The following RTKN2 variants were observed in gnomAD, a reference collection of about 807,000 sequenced individuals.
RTKN2 encodes rhotekin-2.
RTKN2 carries 69 observed loss-of-function variants against 71.5 expected under a neutral mutation model. That is an observed-to-expected ratio of 0.96 (90% CI 0.79 to 1.18). The LOEUF (loss-of-function observed/expected upper bound fraction) is 1.18. RTKN2 is among the 50% of genes most tolerant of loss of function. RTKN2 has a pLI of 0.00. For synonymous variants in RTKN2, 236 were observed against 236.5 expected (o/e 1.00, Z 0.02); for missense variants, 724 against 719.7 (o/e 1.01, Z -0.07).
intron 6 of RTKN2, among the ~76,000 whole-genome samples, chr10:62,233,524 T>G (rs749484885): frequency 3.3e-5 from 5 of 152,084 alleles, no homozygotes; most frequent in Non-Finnish European, 7.4e-5. Context: ...GAATGTAGAC[T>G]GGGACTGATT....
At position 62,193,856 on chromosome 10, in the gene RTKN2, T is replaced by G; in HGVS notation, c.*4052A>C. The G allele has an allele frequency of 2.0e-6, 2 of 978,396 alleles. No homozygotes were observed. Among genetic ancestry groups the G allele is most frequent in the Non-Finnish European group, 2.4e-6 (2 of 823,492 alleles). The allele number at this position is 978,396 out of a possible 1,614,324, so 60.6% of individuals were successfully genotyped here. On this transcript the variant is annotated 3_prime_UTR_variant, in exon 12 of 12. Coordinates refer to ENST00000373789, the MANE Select transcript of RTKN2 (RefSeq NM_145307.4). The stretch of plus-strand genomic sequence containing the variant: ...CATTTTAATAATGTTAATTATACCA[T>G]GGCTTATCAGAATGTTAGTCTTATA...
chr10:62,200,812 C>A (rs1378783676), intron 10 of RTKN2, among the ~76,000 whole-genome samples: 1 of 151,768 alleles, frequency 6.6e-6, no homozygotes, highest in Non-Finnish European at 1.5e-5. Context: ...TCATATCACC[C>A]AATAAAATTC....
intron 9 of RTKN2, among the ~76,000 whole-genome samples, chr10:62,215,779 T>C (rs909090190): frequency 6.6e-6 from 1 of 152,048 alleles, no homozygotes; most frequent in African/African-American, 2.4e-5. Flanking sequence ...AATTTTTCCA[T>C]CTGAAATTTT....
At chr10:62,245,344 T>C (rs1036117183) in intron 3 of RTKN2, among the ~76,000 whole-genome samples, 4 of 152,086 alleles carry the variant, frequency 2.6e-5, no homozygotes, top group Admixed American at 2.0e-4. Flanking sequence ...CACAAGCTAA[T>C]TGGGTGTCAG....
intron 8 of RTKN2, chr10:62,184,454 C>A: frequency 1.3e-6 from 1 of 775,686 alleles, no homozygotes. Flanking sequence ...AAGTCACCAC[C>A]AATCAGAATC....
chr10:62,233,887 T>C (rs529509880), intron 6 of RTKN2, among the ~76,000 whole-genome samples: 4 of 152,310 alleles, frequency 2.6e-5, no homozygotes, highest in African/African-American at 9.6e-5. Context: ...ATTACTGACA[T>C]GCTGAAGAGC....
At position 62,196,460 on chromosome 10, in the gene RTKN2, C is replaced by T. The variant is rs562932454; in HGVS notation, c.*1448G>A. The T allele has an allele frequency of 4.1e-6, 4 of 985,326 alleles. No homozygotes were observed. In the African/African-American group the frequency reaches 7.0e-5, roughly 17 times the overall value. The allele number at this position is 985,326 out of a possible 1,614,324, so 61.0% of individuals were successfully genotyped here. ...GAGTCCTGGGCAAACACAAAAGTGT[C>T]CTGGCAGTTACATCATTCTCTATAA... On this transcript the variant is annotated 3_prime_UTR_variant, in exon 12 of 12. Transcript: ENST00000373789.
intron 3 of RTKN2, among the ~76,000 whole-genome samples, chr10:62,243,171 C>T (rs1030254670): frequency 1.6e-5 from 2 of 127,066 alleles, no homozygotes; most frequent in African/African-American, 6.0e-5. Context: ...GTGTGATGTT[C>T]CCCTTCCTGT....
chr10:62,268,269 C>T (rs1035607785), intron 1 of RTKN2, among the ~76,000 whole-genome samples: 1 of 152,250 alleles, frequency 6.6e-6, no homozygotes, highest in African/African-American at 2.4e-5. Flanking sequence ...GCGTCCAAAG[C>T]CTGGGGAGGG....
chr10:62,203,867 A>T (rs192314254), intron 10 of RTKN2, among the ~76,000 whole-genome samples: 4 of 152,278 alleles, frequency 2.6e-5, no homozygotes, highest in East Asian at 3.9e-4. Flanking sequence ...ACCTCGCAGG[A>T]GTGTTATGAG....
intron 6 of RTKN2, among the ~76,000 whole-genome samples, chr10:62,230,639 G>A (rs1056078918): frequency 2.0e-5 from 3 of 152,146 alleles, no homozygotes; most frequent in African/African-American, 4.8e-5. Flanking sequence ...AAAACTGCTC[G>A]AGGTAGGCAG....
At chr10:62,261,408 G>A (rs1330934739) in intron 2 of RTKN2, among the ~76,000 whole-genome samples, 3 of 152,094 alleles carry the variant, frequency 2.0e-5, no homozygotes, top group African/African-American at 4.8e-5. Flanking sequence ...CTGGGAGGCC[G>A]AGGTGGCCAA....
chr10:62,250,268 T>C (rs1235667708), intron 2 of RTKN2, among the ~76,000 whole-genome samples: 1 of 152,184 alleles, frequency 6.6e-6, no homozygotes, highest in Non-Finnish European at 1.5e-5. Context: ...CAAAAGTACT[T>C]TGATTCAAAA....
chr10:62,228,033 A>C (rs1230187428), intron 6 of RTKN2, among the ~76,000 whole-genome samples: 1 of 152,216 alleles, frequency 6.6e-6, no homozygotes, highest in Non-Finnish European at 1.5e-5. Context: ...ACTGTTTTTG[A>C]TATCTAGGTG....
chr10:62,204,860 G>C lies in RTKN2; in HGVS notation c.1183C>G (p.Leu395Val). The C allele has an allele frequency of 2.6e-6, 4 of 1,565,814 alleles. No individual in the cohort carries two copies. The highest frequency in any genetic ancestry group is 3.4e-6 in the Non-Finnish European group (4 of 1,162,856). ...MEAFWQHFFD[L>V]SQWKHCCEEL... ...AAAAATCCAAATATCTATTTACTAA[G>C]ATCAAAGAAATGCTGCCAGAAGGCT... The change falls in exon 10 of 12, where the codon CTT (leucine) becomes GTT (valine). Residue 395 changes from leucine to valine, a missense_variant. Transcript: ENST00000373789.
chr10:62,244,443 TAC>T (rs1417285996), intron 3 of RTKN2, among the ~76,000 whole-genome samples: 2 of 152,178 alleles, frequency 1.3e-5, no homozygotes, highest in African/African-American at 2.4e-5. Context: ...CTTCTAAATG[TAC>T]AGTTATTTCT....
At chr10:62,256,451 A>C (rs1048519272) in intron 2 of RTKN2, among the ~76,000 whole-genome samples, 5 of 152,162 alleles carry the variant, frequency 3.3e-5, no homozygotes, top group African/African-American at 1.2e-4. Context: ...AAAAAAGATA[A>C]ACAGTTTTCT....
Position 62,198,183 on chromosome 10 carries a change from G to T in RTKN2, c.1555C>A (p.Gln519Lys), listed in dbSNP as rs572354868. Reference protein sequence around the residue: ...SDKLPFSLKSQSNTDQLVKDN... With the variant: ...SDKLPFSLKSKSNTDQLVKDN... ...TTAACCAATTGATCTGTGTTACTCT[G>T]TGATTTTAAGCTGAATGGAAGTTTA... Residue 519 changes from glutamine to lysine, a missense_variant, in exon 12 of 12, where the codon CAG becomes AAG. By Grantham distance (53) the Gln-to-Lys change is moderately conservative. Coordinates refer to ENST00000373789, the MANE Select transcript of RTKN2 (RefSeq NM_145307.4). The T allele has an allele frequency of 1.9e-6, 3 of 1,614,022 alleles. No homozygotes were observed. Among genetic ancestry groups the T allele is most frequent in the East Asian group, 2.2e-5 (1 of 44,886 alleles).
intron 1 of RTKN2, among the ~76,000 whole-genome samples, chr10:62,263,270 G>C (rs1430354757): frequency 6.6e-6 from 1 of 152,168 alleles, no homozygotes. Flanking sequence ...CACATACAGA[G>C]AGAATGACAT....
Sources: allele counts gnomAD v4.1 joint callset (sites outside exome capture counted in the v4.1 genomes callset), GRCh38; gene constraint gnomAD v4.1.1; transcripts MANE v1.5; gene names NCBI Gene and HGNC (gene_info 2026-07-23, HGNC 2026-07-21).